MTUS2: variants seen among roughly 807,000 people sequenced by gnomAD.
The protein encoded by MTUS2 is microtubule-associated tumor suppressor candidate 2.
In MTUS2, 40 loss-of-function variants were observed where a neutral mutation model predicts 114.1. The observed-to-expected ratio is 0.35, with a 90% CI of 0.27 to 0.46. The LOEUF (loss-of-function observed/expected upper bound fraction) is 0.46, where lower values mean the gene tolerates loss of function less well. Among genes scored for constraint, MTUS2 ranks in the 20% least tolerant of loss-of-function variants. MTUS2 has a pLI of 1.00. For synonymous variants in MTUS2, 688 were observed against 672.0 expected (o/e 1.02, Z -0.37); for missense variants, 1,679 against 1,705.4 (o/e 0.98, Z 0.27).
intron 5 of MTUS2, among the ~76,000 whole-genome samples, chr13:29,273,146 AC>A (rs1422961523): frequency 6.6e-6 from 1 of 152,210 alleles, no homozygotes. Flanking sequence ...ACACATTCAA[AC>A]CATAACAGTA....
chr13:28,925,443 T>C (rs1026344627), intron 2 of MTUS2, among the ~76,000 whole-genome samples: 1 of 152,224 alleles, frequency 6.6e-6, no homozygotes, highest in Admixed American at 6.5e-5. Context: ...TACTTGATTA[T>C]CCTTTATGAA....
At chr13:29,223,201 G>A (rs887345201) in intron 5 of MTUS2, among the ~76,000 whole-genome samples, 32 of 152,222 alleles carry the variant, frequency 2.1e-4, no homozygotes, top group Middle Eastern at 6.8e-3. Flanking sequence ...GAGAACTTAC[G>A]GTGCTTTCTT....
intron 5 of MTUS2, among the ~76,000 whole-genome samples, chr13:29,173,891 A>T (rs1893662182): frequency 6.6e-6 from 1 of 152,152 alleles, no homozygotes; most frequent in Non-Finnish European, 1.5e-5. Flanking sequence ...ACATAGACTT[A>T]AATTCAAATT....
intron 1 of MTUS2, among the ~76,000 whole-genome samples, chr13:28,834,195 A>G (rs1284598669): frequency 1.3e-5 from 2 of 152,124 alleles, no homozygotes; most frequent in Non-Finnish European, 2.9e-5. Flanking sequence ...TGATATGGAA[A>G]TGCAAGGGAC....
At chr13:29,414,586 C>T (rs1405364163) in intron 8 of MTUS2, among the ~76,000 whole-genome samples, 1 of 150,220 alleles carries the variant, frequency 6.7e-6, no homozygotes, top group Non-Finnish European at 1.5e-5. Context: ...TCTATTTAAA[C>T]TTTCTCTGAT....
chr13:28,975,723 T>TA (rs1356273574), intron 2 of MTUS2, among the ~76,000 whole-genome samples: 2 of 152,240 alleles, frequency 1.3e-5, no homozygotes, highest in Non-Finnish European at 2.9e-5. Context: ...ATATTATTTT[T>TA]ATCCCTAATT....
At chr13:29,124,729 A>G (rs1369227394) in intron 5 of MTUS2, among the ~76,000 whole-genome samples, 2 of 152,244 alleles carry the variant, frequency 1.3e-5, no homozygotes, top group African/African-American at 2.4e-5. Context: ...ATTTATCCAT[A>G]TAGCAGAAGA....
At chr13:29,065,022 T>A (rs1888601650) in intron 4 of MTUS2, among the ~76,000 whole-genome samples, 1 of 152,244 alleles carries the variant, frequency 6.6e-6, no homozygotes, top group African/African-American at 2.4e-5. Context: ...TTATTCTGTC[T>A]TCCACTGATG....
chr13:29,452,606 GTA>G (rs1259887431), intron 9 of MTUS2, among the ~76,000 whole-genome samples: 29 of 132,096 alleles, frequency 2.2e-4, no homozygotes, highest in African/African-American at 7.4e-4. Context: ...GTGTGTGTGT[GTA>G]TATATATATA....
chr13:29,126,153 C>G (rs1891505830), intron 5 of MTUS2, among the ~76,000 whole-genome samples: 1 of 152,172 alleles, frequency 6.6e-6, no homozygotes, highest in South Asian at 2.1e-4. Context: ...GGTGGGCTGT[C>G]CTCATACCTG....
intron 9 of MTUS2, among the ~76,000 whole-genome samples, chr13:29,468,882 G>T (rs1159907983): frequency 1.3e-5 from 2 of 152,146 alleles, no homozygotes; most frequent in African/African-American, 4.8e-5. Flanking sequence ...AAGTGATTCT[G>T]CAAAAGCATG....
chr13:29,356,351 T>C (rs1869741526), intron 7 of MTUS2, among the ~76,000 whole-genome samples: 1 of 152,178 alleles, frequency 6.6e-6, no homozygotes, highest in Admixed American at 6.5e-5. Context: ...AATTATCCGA[T>C]ACAAACCTGG....
intron 5 of MTUS2, among the ~76,000 whole-genome samples, chr13:29,133,957 G>C (rs1261503507): frequency 6.6e-6 from 1 of 152,008 alleles, no homozygotes; most frequent in Non-Finnish European, 1.5e-5. Flanking sequence ...TCTCATTCAA[G>C]TTCCTTAAAT....
chr13:29,487,268 A>G (rs1881690164), intron 10 of MTUS2, among the ~76,000 whole-genome samples: 1 of 152,204 alleles, frequency 6.6e-6, no homozygotes, highest in South Asian at 2.1e-4. Context: ...AGGTGAACAC[A>G]AAACAACAGT....
At chr13:29,376,996 G>A (rs147257421) in intron 8 of MTUS2, among the ~76,000 whole-genome samples, 1 of 152,140 alleles carries the variant, frequency 6.6e-6, no homozygotes, top group Non-Finnish European at 1.5e-5. Flanking sequence ...GAAGAAGTAT[G>A]ATAGAAGAAG....
intron 5 of MTUS2, among the ~76,000 whole-genome samples, chr13:29,203,864 A>T (rs1458991803): frequency 1.3e-5 from 2 of 151,890 alleles, no homozygotes; most frequent in East Asian, 3.9e-4. Context: ...CCAGTGTCTA[A>T]CCAGTCCCAG....
intron 2 of MTUS2, among the ~76,000 whole-genome samples, chr13:28,911,511 A>G (rs1037112883): frequency 6.6e-6 from 1 of 152,104 alleles, no homozygotes; most frequent in African/African-American, 2.4e-5. Flanking sequence ...TCCTTTGCGT[A>G]TATACCCAGT....
chr13:29,184,488 C>G (rs1192719685), intron 5 of MTUS2, among the ~76,000 whole-genome samples: 1 of 152,206 alleles, frequency 6.6e-6, no homozygotes, highest in Non-Finnish European at 1.5e-5. Flanking sequence ...GCTCTCACTT[C>G]TATCCAAACT....
intron 5 of MTUS2, among the ~76,000 whole-genome samples, chr13:29,195,543 A>AGG: frequency 6.8e-6 from 1 of 147,740 alleles, no homozygotes; most frequent in South Asian, 2.1e-4. Flanking sequence ...AATTCTGAAA[A>AGG]AAAAAAAAAA....
Sources: allele counts gnomAD v4.1 joint callset (sites outside exome capture counted in the v4.1 genomes callset), GRCh38; gene constraint gnomAD v4.1.1; transcripts MANE v1.5; gene names NCBI Gene and HGNC (gene_info 2026-07-23, HGNC 2026-07-21).